TAFA2: variants seen among roughly 807,000 people sequenced by gnomAD.
TAFA2 encodes TAFA chemokine like family member 2, also known as chemokine-like protein TAFA-2.
In TAFA2, 7 loss-of-function variants were observed where a neutral mutation model predicts 18.8. That is an observed-to-expected ratio of 0.37 (90% confidence interval 0.21 to 0.70). The LOEUF is 0.70. Among genes scored for constraint, TAFA2 ranks in the 30% least tolerant of loss-of-function variants. The pLI, the probability that TAFA2 is intolerant of heterozygous loss-of-function variation, is 0.53. For missense variants in TAFA2, 122 were observed against 158.1 expected (o/e 0.77, Z 1.23); for synonymous variants, 60 against 54.2 (o/e 1.11, Z -0.47).
intron 1 of TAFA2, among the ~76,000 whole-genome samples, chr12:62,146,296 T>TTA (rs1555193887): frequency 1.3e-5 from 2 of 149,718 alleles, no homozygotes; most frequent in Non-Finnish European, 3.0e-5. Flanking sequence ...TTTTTTTTTT[T>TTA]TTTTTTTGAC....
chr12:62,097,621 T>C (rs1452106421), intron 1 of TAFA2, among the ~76,000 whole-genome samples: 1 of 152,126 alleles, frequency 6.6e-6, no homozygotes, highest in Non-Finnish European at 1.5e-5. Context: ...GTCTTGTCTG[T>C]CCTATAGGAC....
intron 2 of TAFA2, among the ~76,000 whole-genome samples, chr12:61,757,414 G>A (rs1195417958): frequency 6.6e-6 from 1 of 151,996 alleles, no homozygotes; most frequent in Non-Finnish European, 1.5e-5. Context: ...AGATGGATGA[G>A]GTTAGTATAT....
intron 1 of TAFA2, among the ~76,000 whole-genome samples, chr12:62,176,050 C>T (rs1221524759): frequency 6.6e-6 from 1 of 152,102 alleles, no homozygotes; most frequent in Non-Finnish European, 1.5e-5. Context: ...CATCCATAAA[C>T]TTCAAGAATA....
chr12:61,754,132 T>C (rs566964257), intron 3 of TAFA2, among the ~76,000 whole-genome samples: 1 of 151,958 alleles, frequency 6.6e-6, no homozygotes, highest in Non-Finnish European at 1.5e-5. Flanking sequence ...TATATAAATA[T>C]ATAAGAAAAT....
At chr12:61,959,679 G>A (rs1899215) in intron 1 of TAFA2, among the ~76,000 whole-genome samples, 52,518 of 151,872 alleles carry the variant, frequency 0.35, 9,810 homozygotes, top group East Asian at 0.61. Context: ...GCTTTTGTGT[G>A]GAGGTGGAAA....
chr12:61,819,467 T>C (rs1009230403), intron 2 of TAFA2, among the ~76,000 whole-genome samples: 2 of 152,192 alleles, frequency 1.3e-5, no homozygotes, highest in Non-Finnish European at 2.9e-5. Context: ...GAATACCTCT[T>C]ATGCAAATCT....
chr12:62,012,786 C>G (rs185070382), intron 1 of TAFA2, among the ~76,000 whole-genome samples: 4 of 152,070 alleles, frequency 2.6e-5, no homozygotes, highest in Admixed American at 1.3e-4. Context: ...AAATAACACA[C>G]TCAGAAGAAA....
At chr12:62,237,642 T>C (rs2062844090) in intron 1 of TAFA2, among the ~76,000 whole-genome samples, 1 of 152,238 alleles carries the variant, frequency 6.6e-6, no homozygotes, top group South Asian at 2.1e-4. Flanking sequence ...TTTATTCTAG[T>C]CTTTGCTATC....
At chr12:62,007,316 C>T (rs1212063266) in intron 1 of TAFA2, among the ~76,000 whole-genome samples, 1 of 152,160 alleles carries the variant, frequency 6.6e-6, no homozygotes, top group Non-Finnish European at 1.5e-5. Context: ...TACGAAATCA[C>T]CACATCCTCT....
chr12:62,132,460 C>T (rs1870729604), intron 1 of TAFA2, among the ~76,000 whole-genome samples: 1 of 151,874 alleles, frequency 6.6e-6, no homozygotes, highest in African/African-American at 2.4e-5. Context: ...TTCAACCCCA[C>T]TAAATGCAAT....
chr12:62,203,157 T>G (rs1418178880), intron 1 of TAFA2, among the ~76,000 whole-genome samples: 2 of 152,222 alleles, frequency 1.3e-5, no homozygotes, highest in Non-Finnish European at 2.9e-5. Flanking sequence ...TGAGGGGGTT[T>G]CTTAAGTCTT....
At chr12:61,802,308 C>CCATGTT (rs1215821431) in intron 2 of TAFA2, among the ~76,000 whole-genome samples, 1 of 151,922 alleles carries the variant, frequency 6.6e-6, no homozygotes, top group Non-Finnish European at 1.5e-5. Context: ...ATATGCACCC[C>CCATGTT]CATGTTTATT....
intron 1 of TAFA2, among the ~76,000 whole-genome samples, chr12:62,098,360 C>T (rs1869038086): frequency 6.6e-6 from 1 of 152,120 alleles, no homozygotes. Context: ...CAGAATCTTC[C>T]CTGACACTGA....
chr12:62,208,410 G>T (rs1470208835), intron 1 of TAFA2, among the ~76,000 whole-genome samples: 1 of 151,924 alleles, frequency 6.6e-6, no homozygotes, highest in Admixed American at 6.6e-5. Flanking sequence ...TATGAATATT[G>T]GTCTTTTAGA....
intron 2 of TAFA2, among the ~76,000 whole-genome samples, chr12:61,757,998 A>G (rs1565623592): frequency 1.3e-5 from 2 of 152,064 alleles, no homozygotes; most frequent in Non-Finnish European, 2.9e-5. Flanking sequence ...AGGGATATTA[A>G]TAGCACAATC....
intron 3 of TAFA2, among the ~76,000 whole-genome samples, chr12:61,754,643 T>C (rs553171423): frequency 1.3e-5 from 2 of 152,116 alleles, no homozygotes; most frequent in South Asian, 4.2e-4. Context: ...ATTAATTTAA[T>C]GGAACCTCAT....
At chr12:61,797,145 G>A (rs984335979) in intron 2 of TAFA2, among the ~76,000 whole-genome samples, 1 of 152,164 alleles carries the variant, frequency 6.6e-6, no homozygotes, top group African/African-American at 2.4e-5. Context: ...ATTGGTTGTA[G>A]AATGGTTAAC....
At chr12:62,224,258 G>A (rs1294534413) in intron 1 of TAFA2, among the ~76,000 whole-genome samples, 3 of 152,038 alleles carry the variant, frequency 2.0e-5, no homozygotes, top group Admixed American at 6.6e-5. Flanking sequence ...CCTGTATGAC[G>A]TACCATGTTA....
At chr12:62,150,765 G>C (rs370822294) in intron 1 of TAFA2, among the ~76,000 whole-genome samples, 1 of 152,108 alleles carries the variant, frequency 6.6e-6, no homozygotes, top group African/African-American at 2.4e-5. Flanking sequence ...ACTTCGCCAG[G>C]CATGGTGGTG....
Sources: allele counts gnomAD v4.1 joint callset (sites outside exome capture counted in the v4.1 genomes callset), GRCh38; gene constraint gnomAD v4.1.1; transcripts MANE v1.5; gene names NCBI Gene and HGNC (gene_info 2026-07-23, HGNC 2026-07-21).